The following PIP5K1C variants were observed in gnomAD, a reference collection of about 807,000 sequenced individuals.
The protein encoded by PIP5K1C is phosphatidylinositol 4-phosphate 5-kinase type-1 gamma.
Under a neutral mutation model 80.1 loss-of-function variants are expected in PIP5K1C, and 45 were observed. That is an observed-to-expected ratio of 0.56 (90% CI 0.44 to 0.72). The LOEUF is 0.72. PIP5K1C is among the 30% of genes least tolerant of loss of function. The pLI is 0.00. For synonymous variants in PIP5K1C, 498 were observed against 420.1 expected, an observed-to-expected ratio of 1.19 and a Z score of -2.27; for missense variants, 753 against 954.6, an observed-to-expected ratio of 0.79 and a Z score of 2.78.
At chr19:3,695,729 C>CT (rs35334182) in intron 1 of PIP5K1C, among the ~76,000 whole-genome samples, 34,424 of 130,926 alleles carry the variant, frequency 0.26, 5,117 homozygotes, top group African/African-American at 0.35. Context: ...CCCACTGACC[C>CT]TTTTTTTTTT....
chr19:3,691,360 C>T (rs1452465988), intron 1 of PIP5K1C, among the ~76,000 whole-genome samples: 1 of 152,178 alleles, frequency 6.6e-6, no homozygotes, highest in Non-Finnish European at 1.5e-5. Flanking sequence ...ACGGCCCCTT[C>T]CAGGGTAAGC....
At chr19:3,638,796 T>G (rs1026937826) in intron 16 of PIP5K1C, 88 bp downstream of exon 16, 2 of 1,536,832 alleles carry the variant, frequency 1.3e-6, no homozygotes, top group African/African-American at 2.7e-5. Flanking sequence ...TGTGTGCAGG[T>G]GTGTGTATGC....
chr19:3,662,640 A>C (rs1271986191), intron 3 of PIP5K1C, among the ~76,000 whole-genome samples: 1 of 152,024 alleles, frequency 6.6e-6, no homozygotes, highest in Non-Finnish European at 1.5e-5. Context: ...ATCTCAGCTC[A>C]CTGCAACCTC....
Position 3,659,844 on chromosome 19 carries a change from C to A in PIP5K1C, c.468+1122G>T, listed in dbSNP as rs1232296556. Among the ~76,000 whole-genome samples, 4 of 152,190 alleles carry A rather than the reference C, an allele frequency of 2.6e-5. No homozygotes were observed. The East Asian group carries it at 7.7e-4, about 29-fold the overall frequency. On this transcript the variant is annotated intron_variant, in intron 5 of 17. Transcript: ENST00000335312. ...CAAACGCACGCACAGTCAGCAACCA[C>A]CAAAGAAAGGCACAAGGAACCGACC...
At chr19:3,670,444 C>T (rs1040112393) in intron 1 of PIP5K1C, among the ~76,000 whole-genome samples, 8 of 152,130 alleles carry the variant, frequency 5.3e-5, no homozygotes, top group Admixed American at 1.3e-4. Flanking sequence ...GGCCCTGAAA[C>T]GCCAAGGATG....
chr19:3,691,963 C>T (rs555598170), intron 1 of PIP5K1C, among the ~76,000 whole-genome samples: 11 of 152,284 alleles, frequency 7.2e-5, no homozygotes, highest in Admixed American at 3.3e-4. Flanking sequence ...GCTGCTCCCA[C>T]CCCAGGCTCT....
chr19:3,653,134 C>T (rs182364146), intron 7 of PIP5K1C, among the ~76,000 whole-genome samples, 156 bp downstream of exon 7: 1,749 of 152,338 alleles, frequency 0.011, 64 homozygotes, highest in Admixed American at 0.076. Context: ...AAAGCTTGAG[C>T]GCTTCTGGAT....
At chr19:3,687,518 CACACAT>C (rs1472515877) in intron 1 of PIP5K1C, among the ~76,000 whole-genome samples, 1 of 126,992 alleles carries the variant, frequency 7.9e-6, no homozygotes, top group East Asian at 1.9e-4. Flanking sequence ...CACATACATG[CACACAT>C]GCACACGCAC....
At chr19:3,651,055 G>GTTTT (rs60438258) in intron 8 of PIP5K1C, among the ~76,000 whole-genome samples, 1,872 of 127,238 alleles carry the variant, frequency 0.015, 99 homozygotes, top group East Asian at 0.084. Context: ...CGCGCCCAGC[G>GTTTT]TTTTTTTTTT....
intron 1 of PIP5K1C, among the ~76,000 whole-genome samples, chr19:3,667,650 C>A (rs913263709): frequency 5.9e-5 from 9 of 152,220 alleles, no homozygotes; most frequent in African/African-American, 2.2e-4. Flanking sequence ...CTAGGCTTGG[C>A]ACCCACCACG....
At chr19:3,697,459 G>C (rs1001153046) in intron 1 of PIP5K1C, among the ~76,000 whole-genome samples, 3 of 151,628 alleles carry the variant, frequency 2.0e-5, no homozygotes, top group Non-Finnish European at 4.4e-5. Flanking sequence ...GACCGAGCTG[G>C]ACCGAGGAGG....
chr19:3,652,384 C>G (rs560674769), intron 7 of PIP5K1C, among the ~76,000 whole-genome samples: 5 of 152,380 alleles, frequency 3.3e-5, no homozygotes, highest in Admixed American at 3.3e-4. Flanking sequence ...CGTGCCCGGC[C>G]TGACAGGTGA....
intron 1 of PIP5K1C, among the ~76,000 whole-genome samples, chr19:3,680,516 C>T (rs891593441): frequency 1.1e-4 from 17 of 152,206 alleles, no homozygotes; most frequent in Admixed American, 4.6e-4. Flanking sequence ...GTTGGCCAGG[C>T]TGGTCTCGCT....
intron 12 of PIP5K1C, 124 bp downstream of exon 12, chr19:3,643,963 C>A: frequency 8.6e-7 from 1 of 1,168,174 alleles, no homozygotes; most frequent in African/African-American, 1.5e-5. Flanking sequence ...GGGCAGGCGG[C>A]CCTGCAGATC....
Position 3,664,910 on chromosome 19 carries a change from A to G in PIP5K1C, c.131T>C (p.Leu44Pro). 1.9e-6 allele frequency: 3 copies of G among 1,612,694 alleles called. No homozygotes were observed. Among genetic ancestry groups the G allele is most frequent in the Non-Finnish European group, 2.5e-6 (3 of 1,179,554 alleles). ...AQKKAAPTEV[L>P]SMTAQPGPGH... ...AGGGCCCGGCTGTGCCGTCATGGACAGAACCTGGGAAGAGGAAGCAGGAAG... is the reference window on the plus strand; with the variant it reads ...AGGGCCCGGCTGTGCCGTCATGGACGGAACCTGGGAAGAGGAAGCAGGAAG... Residue 44 changes from leucine (L) to proline (P), a missense_variant, in exon 3 of 18, where the codon CTG becomes CCG. Leu to Pro is a moderately conservative substitution (Grantham distance 98, BLOSUM62 -3). This residue lies in a region of PIP5K1C where 78 missense variants were observed against 67.1 expected (regional missense o/e 1.16). Coordinates refer to ENST00000335312, the MANE Select transcript of PIP5K1C (RefSeq NM_012398.3).
intron 16 of PIP5K1C, chr19:3,636,477 AC>A (rs1172036669): frequency 4.1e-6 from 4 of 984,858 alleles, no homozygotes; most frequent in Non-Finnish European, 4.8e-6. Context: ...AAGTCCAAGC[AC>A]CCCCCTCCGT....
chr19:3,644,221 C>T lies in PIP5K1C; in HGVS notation c.1376G>A (p.Arg459His), dbSNP rs1341221485. The change falls in exon 12 of 18, where the codon CGC (arginine) becomes CAC (histidine). Residue 459 changes from arginine to histidine, a missense_variant. Physicochemically the swap from Arg to His is conservative, Grantham distance 29 (BLOSUM62 0). Transcript: ENST00000335312. The part of the protein sequence containing the change: ...SLKSSPSKKG[R>H]GGALLAVKPL... ...TTTCACAGCTAGCAAGGCTCCGCCG[C>T]GCCCCTTCTTGGAGGGCGAGGACTT... 5 of 1,612,460 alleles carry T rather than the reference C, an allele frequency of 3.1e-6. No individual in the cohort carries two copies. Among genetic ancestry groups the T allele is most frequent in the South Asian group, 1.1e-5 (1 of 91,074 alleles).
chr19:3,656,680 AAG>A (rs1176237556), intron 5 of PIP5K1C, 123 bp from the exon 6 acceptor site: 9 of 1,137,066 alleles, frequency 7.9e-6, no homozygotes, highest in Non-Finnish European at 1.2e-5. Context: ...CAGATGCGGA[AAG>A]AGAGGCTCAG....
intron 1 of PIP5K1C, among the ~76,000 whole-genome samples, chr19:3,699,725 G>A (rs1362937687): frequency 6.6e-6 from 1 of 151,944 alleles, no homozygotes; most frequent in Admixed American, 6.6e-5. Context: ...CGCCCAGCCC[G>A]CAGCCCCACC....
Sources: gnomAD v4.1 joint callset for allele counts (sites outside exome capture counted in the v4.1 genomes callset) on GRCh38, gnomAD v4.1.1 for gene constraint, gnomAD v4.1.1 regional missense constraint, MANE v1.5 for transcripts, NCBI Gene and HGNC (gene_info 2026-07-23, HGNC 2026-07-21) for gene names.